PEBP4: variants seen among roughly 807,000 people sequenced by gnomAD.
The protein encoded by PEBP4 is phosphatidylethanolamine binding protein 4.
Under a neutral mutation model 23.9 loss-of-function variants are expected in PEBP4, and 22 were observed. That is an observed-to-expected ratio of 0.92 (90% CI 0.66 to 1.31). The LOEUF (loss-of-function observed/expected upper bound fraction) is 1.31. Ranked by LOEUF, PEBP4 falls within the 40% of genes most tolerant of loss-of-function variation. PEBP4 has a pLI of 0.00. For synonymous variants in PEBP4, 112 were observed against 99.3 expected (o/e 1.13, Z -0.76); for missense variants, 324 against 281.7 (o/e 1.15, Z -1.07).
intron 5 of PEBP4, among the ~76,000 whole-genome samples, chr8:22,725,613 A>G (rs1804608832): frequency 6.6e-6 from 1 of 152,126 alleles, no homozygotes; most frequent in African/African-American, 2.4e-5. Context: ...CCCCAAGTCC[A>G]TGCAGAGTCA....
chr8:22,897,734 C>T (rs190525124), intron 3 of PEBP4: 28 of 152,112 alleles, frequency 1.8e-4, no homozygotes. Context: ...AGATCAGAGG[C>T]CCTGAGCTCT....
upstream of PEBP4, among the ~76,000 whole-genome samples, chr8:22,931,015 C>T (rs1809448106): frequency 6.6e-6 from 1 of 152,252 alleles, no homozygotes; most frequent in African/African-American, 2.4e-5. Flanking sequence ...TCTGTTGGAC[C>T]ACTGCTGCTG....
chr8:22,842,440 G>A (rs1485846203), intron 3 of PEBP4, among the ~76,000 whole-genome samples: 1 of 152,194 alleles, frequency 6.6e-6, no homozygotes, highest in Non-Finnish European at 1.5e-5. Flanking sequence ...TTGTGGGGCT[G>A]AAGGAGGTAG....
At chr8:22,827,871 T>C (rs1217718641) in intron 3 of PEBP4, among the ~76,000 whole-genome samples, 4 of 152,224 alleles carry the variant, frequency 2.6e-5, no homozygotes, top group Non-Finnish European at 5.9e-5. Context: ...TTTCTCCACA[T>C]CTTTGTCAAC....
intron 6 of PEBP4, among the ~76,000 whole-genome samples, chr8:22,719,440 C>A (rs1044860087): frequency 3.9e-5 from 6 of 152,160 alleles, no homozygotes; most frequent in Non-Finnish European, 8.8e-5. Flanking sequence ...GACCGCAGCT[C>A]CCCAGGATTC....
At chr8:22,764,334 C>T (rs903297301) in intron 4 of PEBP4, among the ~76,000 whole-genome samples, 1 of 152,140 alleles carries the variant, frequency 6.6e-6, no homozygotes, top group Non-Finnish European at 1.5e-5. Flanking sequence ...CCACCTCCTC[C>T]AGGGTCTCTC....
At chr8:22,893,822 G>C (rs75982240) in intron 3 of PEBP4, among the ~76,000 whole-genome samples, 2,451 of 152,150 alleles carry the variant, frequency 0.016, 23 homozygotes, top group Non-Finnish European at 0.026. Flanking sequence ...ACATCTTCAA[G>C]TAGCCAAATA....
intron 5 of PEBP4, among the ~76,000 whole-genome samples, chr8:22,726,269 G>T (rs1804622140): frequency 1.3e-5 from 2 of 152,206 alleles, no homozygotes; most frequent in African/African-American, 4.8e-5. Context: ...GTCTCCTCGT[G>T]TGCTTAGGTA....
intron 4 of PEBP4, among the ~76,000 whole-genome samples, chr8:22,737,068 C>T (rs1288394635): frequency 1.3e-5 from 2 of 151,982 alleles, no homozygotes; most frequent in African/African-American, 2.4e-5. Flanking sequence ...CCGAGGCGGG[C>T]GGATCACTTG....
intron 3 of PEBP4, among the ~76,000 whole-genome samples, chr8:22,820,286 G>T (rs1309681731): frequency 1.3e-5 from 2 of 152,184 alleles, no homozygotes; most frequent in African/African-American, 4.8e-5. Flanking sequence ...TATGTGGTAG[G>T]TTACCAGATA....
At chr8:22,860,477 C>T (rs142424481) in intron 3 of PEBP4, among the ~76,000 whole-genome samples, 12 of 152,226 alleles carry the variant, frequency 7.9e-5, no homozygotes, top group South Asian at 2.1e-4. Context: ...TGGAATGGTA[C>T]AGTACCTGTC....
At chr8:22,845,041 G>T (rs866970028) in intron 3 of PEBP4, among the ~76,000 whole-genome samples, 7 of 152,234 alleles carry the variant, frequency 4.6e-5, no homozygotes, top group South Asian at 4.1e-4. Flanking sequence ...ATGCAAAGGG[G>T]AGAGCAGCAG....
At chr8:22,817,872 G>C in intron 3 of PEBP4, 137 bp from the exon 4 acceptor site, 1 of 724,238 alleles carries the variant, frequency 1.4e-6, no homozygotes, top group South Asian at 1.7e-5. Flanking sequence ...GTTTATCCTT[G>C]CTCTCGTGAC....
chr8:22,879,964 T>C (rs924280315), intron 3 of PEBP4, among the ~76,000 whole-genome samples: 2 of 152,194 alleles, frequency 1.3e-5, no homozygotes, highest in Non-Finnish European at 2.9e-5. Context: ...ACCATTTTTG[T>C]TGTGGCGGTT....
chr8:22,789,322 G>A (rs754904865), intron 4 of PEBP4, among the ~76,000 whole-genome samples: 13 of 152,106 alleles, frequency 8.5e-5, no homozygotes, highest in South Asian at 6.2e-4. Context: ...CCTAGAGATC[G>A]TCGGGCCCAA....
intron 3 of PEBP4, among the ~76,000 whole-genome samples, chr8:22,835,944 A>G (rs1446658508): frequency 1.3e-5 from 2 of 152,252 alleles, no homozygotes; most frequent in Non-Finnish European, 2.9e-5. Flanking sequence ...AGTGGCTCAC[A>G]GTTACTGAGG....
chr8:22,807,015 CTG>C (rs1806509403), intron 4 of PEBP4, among the ~76,000 whole-genome samples: 1 of 152,192 alleles, frequency 6.6e-6, no homozygotes, highest in Non-Finnish European at 1.5e-5. Flanking sequence ...GCTTATTAAA[CTG>C]TTTTTGAATT....
intron 3 of PEBP4, among the ~76,000 whole-genome samples, chr8:22,854,589 G>A (rs1807603586): frequency 1.3e-5 from 2 of 152,134 alleles, no homozygotes; most frequent in African/African-American, 4.8e-5. Flanking sequence ...AGGGAGCAAA[G>A]GAGTTAATGT....
intron 2 of PEBP4, among the ~76,000 whole-genome samples, chr8:22,922,589 A>C (rs4066005): frequency 0.41 from 57,724 of 141,380 alleles, 11,731 homozygotes; most frequent in East Asian, 0.57. Flanking sequence ...AACAAACAAA[A>C]AAAAAACACC....
Sources: gnomAD v4.1 joint callset for allele counts (sites outside exome capture counted in the v4.1 genomes callset) on GRCh38, gnomAD v4.1.1 for gene constraint, MANE v1.5 for transcripts, NCBI Gene and HGNC (gene_info 2026-07-23, HGNC 2026-07-21) for gene names.